KCNQ3: variants seen among roughly 807,000 people sequenced by gnomAD.
The protein encoded by KCNQ3 is potassium voltage-gated channel subfamily KQT member 3.
In KCNQ3, 30 loss-of-function variants were observed where a neutral mutation model predicts 92.5. The observed-to-expected ratio is 0.32, with a 90% CI of 0.24 to 0.44. The LOEUF is 0.44. Ranked by LOEUF, KCNQ3 falls within the 20% of genes least tolerant of loss-of-function variation. The probability of loss-of-function intolerance (pLI) is 1.00; values close to 1 mark genes in which losing one functional copy is unlikely to be tolerated. For missense variants in KCNQ3, 913 were observed against 1,140.3 expected (o/e 0.80, Z 2.87); for synonymous variants, 450 against 468.8 (o/e 0.96, Z 0.52).
At chr8:132,404,764 G>A (rs2130788614) in intron 1 of KCNQ3, among the ~76,000 whole-genome samples, 1 of 152,318 alleles carries the variant, frequency 6.6e-6, no homozygotes, top group South Asian at 2.1e-4. Context: ...CAGACACTCA[G>A]GAGGATGAGA....
chr8:132,130,685 G>A (rs1824852361), intron 14 of KCNQ3, among the ~76,000 whole-genome samples: 1 of 152,218 alleles, frequency 6.6e-6, no homozygotes, highest in African/African-American at 2.4e-5. Context: ...ACAGAAGCAT[G>A]TGGACTGTTA....
chr8:132,401,434 G>A (rs1820330126), intron 1 of KCNQ3, among the ~76,000 whole-genome samples: 1 of 151,800 alleles, frequency 6.6e-6, no homozygotes, highest in Non-Finnish European at 1.5e-5. Context: ...GGAGTGCAGT[G>A]GCACGATCTT....
At chr8:132,285,830 G>A (rs1278879611) in intron 1 of KCNQ3, among the ~76,000 whole-genome samples, 2 of 152,184 alleles carry the variant, frequency 1.3e-5, no homozygotes, top group African/African-American at 4.8e-5. Flanking sequence ...TTGACCCAGG[G>A]TGTTCCCAAC....
In KCNQ3 at chr8:132,314,745, G is replaced by C. The variant is rs73360856; in HGVS notation, c.387-128564C>G. ...CAATAAATGTTTTCCAATATAATTA[G>C]CAAAAGTAGGCGTTTTCTCTAATCC... On this transcript the variant is annotated intron_variant, in intron 1 of 14. Transcript: ENST00000388996. 8.1e-3 allele frequency among the ~76,000 whole-genome samples: 1,236 copies of C among 152,262 alleles called. 18 individuals are homozygous for C. Among genetic ancestry groups the C allele is most frequent in the African/African-American group, 0.027 (1,120 of 41,552 alleles).
chr8:132,388,598 G>A (rs973857915), intron 1 of KCNQ3, among the ~76,000 whole-genome samples: 1 of 151,942 alleles, frequency 6.6e-6, no homozygotes. Context: ...ACTTAGATTT[G>A]TATATTACAA....
At position 132,480,322 on chromosome 8, in the gene KCNQ3, C is replaced by G; in HGVS notation, c.211G>C (p.Gly71Arg). Residue 71 changes from glycine to arginine, a missense_variant, in exon 1 of 15, where the codon GGC becomes CGC. Physicochemically the swap from Gly to Arg is moderately radical, Grantham distance 125 (BLOSUM62 -2). Coordinates refer to ENST00000388996, the MANE Select transcript of KCNQ3 (RefSeq NM_004519.4). ...ADKDGTLLLE[G>R]GGRDEGQRRT... The stretch of plus-strand genomic sequence containing the variant: ...CGCTGCCCCTCGTCGCGGCCGCCGC[C>G]CTCCAGCAGCAGGGTCCCGTCTTTG... 1 of 1,601,412 alleles carries G rather than the reference C, an allele frequency of 6.2e-7. No individual in the cohort carries two copies.
intron 1 of KCNQ3, among the ~76,000 whole-genome samples, chr8:132,268,390 G>A (rs1816054565): frequency 1.3e-5 from 2 of 152,016 alleles, no homozygotes; most frequent in Admixed American, 6.6e-5. Context: ...TCAGCTTCCC[G>A]AGTAACTGGG....
chr8:132,372,777 A>C (rs1819510256), intron 1 of KCNQ3, among the ~76,000 whole-genome samples: 1 of 151,102 alleles, frequency 6.6e-6, no homozygotes, highest in Non-Finnish European at 1.5e-5. Context: ...AAAAAACAAA[A>C]AAAAAAACGC....
chr8:132,272,633 A>T (rs1563834874), intron 1 of KCNQ3, among the ~76,000 whole-genome samples: 1 of 152,150 alleles, frequency 6.6e-6, no homozygotes, highest in Non-Finnish European at 1.5e-5. Context: ...GGGGCAGGCA[A>T]AGAGAGAGAG....
At chr8:132,157,632 G>A (rs1825842765) in intron 9 of KCNQ3, among the ~76,000 whole-genome samples, 1 of 145,534 alleles carries the variant, frequency 6.9e-6, no homozygotes, top group Admixed American at 7.0e-5. Context: ...CCCAGAAAAT[G>A]TAACCTGTGT....
intron 1 of KCNQ3, among the ~76,000 whole-genome samples, chr8:132,351,421 C>A (rs1818861094): frequency 6.6e-6 from 1 of 152,196 alleles, no homozygotes; most frequent in Non-Finnish European, 1.5e-5. Flanking sequence ...CTCCTCCACC[C>A]CTGCCCCAAC....
chr8:132,196,847 A>G (rs1827311894), intron 1 of KCNQ3, among the ~76,000 whole-genome samples: 1 of 152,170 alleles, frequency 6.6e-6, no homozygotes, highest in Non-Finnish European at 1.5e-5. Flanking sequence ...CACCTAAGGG[A>G]TTGTTTCCTC....
intron 1 of KCNQ3, among the ~76,000 whole-genome samples, chr8:132,478,017 T>A (rs1822455526): frequency 6.6e-6 from 1 of 152,204 alleles, no homozygotes; most frequent in Non-Finnish European, 1.5e-5. Context: ...GATAATAATT[T>A]CCATCTAATA....
intron 1 of KCNQ3, among the ~76,000 whole-genome samples, chr8:132,326,767 T>C (rs1284778685): frequency 6.6e-6 from 1 of 152,204 alleles, no homozygotes; most frequent in Non-Finnish European, 1.5e-5. Flanking sequence ...TTCCAGCCTC[T>C]AGAACCATGA....
At chr8:132,381,248 G>A (rs984252786) in intron 1 of KCNQ3, among the ~76,000 whole-genome samples, 1 of 152,178 alleles carries the variant, frequency 6.6e-6, no homozygotes, top group Non-Finnish European at 1.5e-5. Context: ...AGCCCAGATC[G>A]GTCTGATACC....
Position 132,175,525 on chromosome 8 carries a change from T to A in KCNQ3, c.861A>T (p.Pro287=). The A allele has an allele frequency of 6.2e-7, 1 of 1,614,178 alleles. No homozygotes were observed. The highest frequency in any genetic ancestry group is 8.5e-7 in the Non-Finnish European group (1 of 1,180,004). Residue 287 remains proline (P), a synonymous_variant, in exon 5 of 15, where the codon CCA becomes CCT. Transcript: ENST00000388996. ...TCTCCTCTCCTTGTGCATCCACCTC[T>A]GGGACGTCTTTCTCAACCAGGTAGA... The part of the protein sequence containing the change: ...FLVYLVEKDV[P]EVDAQGEEMK...
At chr8:132,408,709 A>G (rs1328690913) in intron 1 of KCNQ3, among the ~76,000 whole-genome samples, 2 of 152,242 alleles carry the variant, frequency 1.3e-5, no homozygotes, top group African/African-American at 4.8e-5. Context: ...GAGCCATAAA[A>G]GAGGTCAGAG....
At chr8:132,429,526 G>A (rs1164684071) in intron 1 of KCNQ3, among the ~76,000 whole-genome samples, 2 of 151,984 alleles carry the variant, frequency 1.3e-5, no homozygotes, top group Non-Finnish European at 2.9e-5. Context: ...GTTTTACCTC[G>A]CTGTCATGTC....
chr8:132,198,732 G>A (rs552515515), intron 1 of KCNQ3, among the ~76,000 whole-genome samples: 104 of 152,134 alleles, frequency 6.8e-4, no homozygotes, highest in Middle Eastern at 3.4e-3. Context: ...GCTTGAACCC[G>A]GGAGGTAGAG....
Sources: gnomAD v4.1 joint callset for allele counts (sites outside exome capture counted in the v4.1 genomes callset) on GRCh38, gnomAD v4.1.1 for gene constraint, MANE v1.5 for transcripts, NCBI Gene and HGNC (gene_info 2026-07-23, HGNC 2026-07-21) for gene names.